Variants in TAFA2 observed in about 807,000 individuals in gnomAD.
TAFA2 encodes the protein TAFA chemokine like family member 2, also known as chemokine-like protein TAFA-2.
A neutral mutation model predicts 18.8 loss-of-function variants in TAFA2; 7 were observed. That is an observed-to-expected ratio of 0.37 (90% CI 0.21 to 0.70). TAFA2 has a LOEUF of 0.70. Among genes scored for constraint, TAFA2 ranks in the 30% least tolerant of loss-of-function variants. TAFA2 has a pLI of 0.53. For synonymous variants in TAFA2, 60 were observed against 54.2 expected, an observed-to-expected ratio of 1.11 and a Z score of -0.47; for missense variants, 122 against 158.1, an observed-to-expected ratio of 0.77 and a Z score of 1.23.
intron 1 of TAFA2, among the ~76,000 whole-genome samples, chr12:62,207,854 C>T (rs549983191): frequency 6.6e-6 from 1 of 152,170 alleles, no homozygotes; most frequent in Non-Finnish European, 1.5e-5. Context: ...ATGAAAGAGA[C>T]ACAGCATCAG....
intron 1 of TAFA2, among the ~76,000 whole-genome samples, chr12:61,941,244 G>T (rs1413777444): frequency 1.3e-5 from 2 of 151,874 alleles, no homozygotes; most frequent in African/African-American, 4.8e-5. Flanking sequence ...TAGACTACAT[G>T]GTAAAAAAGT....
At chr12:61,779,483 A>T (rs951721097) in intron 2 of TAFA2, among the ~76,000 whole-genome samples, 1 of 151,894 alleles carries the variant, frequency 6.6e-6, no homozygotes, top group African/African-American at 2.4e-5. Flanking sequence ...GAGCTGCCTT[A>T]GTGCAAATTG....
intron 1 of TAFA2, among the ~76,000 whole-genome samples, chr12:61,912,710 G>C (rs349877): frequency 0.8 from 121,719 of 152,172 alleles, 49,333 homozygotes; most frequent in African/African-American, 0.92. Context: ...ACACACTCCT[G>C]TTCACTTCCC....
chr12:61,833,799 C>T (rs1465628574), intron 2 of TAFA2, among the ~76,000 whole-genome samples: 1 of 151,930 alleles, frequency 6.6e-6, no homozygotes, highest in African/African-American at 2.4e-5. Flanking sequence ...TAAACATCCT[C>T]ATTCCCTTCA....
chr12:62,136,455 A>G (rs534140473), intron 1 of TAFA2, among the ~76,000 whole-genome samples: 1 of 152,282 alleles, frequency 6.6e-6, no homozygotes, highest in East Asian at 1.9e-4. Context: ...TCCAATATTC[A>G]AAAAATACAA....
intron 1 of TAFA2, among the ~76,000 whole-genome samples, chr12:62,249,475 C>T (rs541712612): frequency 6.6e-6 from 1 of 152,174 alleles, no homozygotes; most frequent in African/African-American, 2.4e-5. Context: ...GTTCCCATGA[C>T]AGTTGATTAT....
intron 1 of TAFA2, among the ~76,000 whole-genome samples, chr12:62,070,183 A>C (rs944210411): frequency 1.3e-5 from 2 of 152,200 alleles, no homozygotes; most frequent in Non-Finnish European, 2.9e-5. Flanking sequence ...ATGAGGTGCA[A>C]TAATAGCAAT....
intron 4 of TAFA2, among the ~76,000 whole-genome samples, chr12:61,749,998 C>A (rs1868935234): frequency 6.6e-6 from 1 of 151,720 alleles, no homozygotes; most frequent in Non-Finnish European, 1.5e-5. Flanking sequence ...ACACCCCACA[C>A]ACACACACAC....
intron 1 of TAFA2, among the ~76,000 whole-genome samples, chr12:61,960,897 C>A (rs1878862097): frequency 1.3e-5 from 2 of 151,706 alleles, no homozygotes; most frequent in Non-Finnish European, 2.9e-5. Flanking sequence ...CTTTTATTTT[C>A]TTGCTGTATT....
At chr12:61,849,362 T>G (rs575241829) in intron 2 of TAFA2, among the ~76,000 whole-genome samples, 11 of 152,336 alleles carry the variant, frequency 7.2e-5, no homozygotes, top group African/African-American at 2.4e-4. Context: ...ACAAATGTAG[T>G]CTTCTGTACT....
chr12:62,242,157 T>C (rs2136990173), intron 1 of TAFA2, among the ~76,000 whole-genome samples: 1 of 152,310 alleles, frequency 6.6e-6, no homozygotes, highest in Non-Finnish European at 1.5e-5. Context: ...GTGTCCAGTG[T>C]TGATGTTTCC....
intron 1 of TAFA2, among the ~76,000 whole-genome samples, chr12:61,953,899 C>A (rs574390371): frequency 9.2e-5 from 14 of 152,206 alleles, no homozygotes; most frequent in Admixed American, 8.5e-4. Flanking sequence ...TTTTGAAAAG[C>A]GTATTAAGAA....
intron 1 of TAFA2, among the ~76,000 whole-genome samples, chr12:62,093,666 A>G (rs189059940): frequency 6.6e-4 from 101 of 152,182 alleles, no homozygotes; most frequent in African/African-American, 2.3e-3. Context: ...TGTTGGTGTC[A>G]TATGCTCAGA....
intron 1 of TAFA2, among the ~76,000 whole-genome samples, chr12:61,920,129 C>G (rs1375484902): frequency 6.6e-6 from 1 of 152,100 alleles, no homozygotes; most frequent in Non-Finnish European, 1.5e-5. Flanking sequence ...AACAAATCAG[C>G]ACTAACTTAG....
chr12:62,105,856 CT>C (rs1869425074), intron 1 of TAFA2, among the ~76,000 whole-genome samples: 1 of 152,144 alleles, frequency 6.6e-6, no homozygotes, highest in African/African-American at 2.4e-5. Flanking sequence ...CTGATGAGAC[CT>C]TTCTTTAGAG....
chr12:61,818,992 C>T (rs1872208611), intron 2 of TAFA2, among the ~76,000 whole-genome samples: 1 of 152,116 alleles, frequency 6.6e-6, no homozygotes, highest in Non-Finnish European at 1.5e-5. Flanking sequence ...TGCACATTAC[C>T]TCTAGACCCG....
intron 1 of TAFA2, among the ~76,000 whole-genome samples, chr12:62,101,858 A>G (rs554579487): frequency 6.6e-6 from 1 of 152,344 alleles, no homozygotes; most frequent in African/African-American, 2.4e-5. Flanking sequence ...CTGTCCTCAA[A>G]GAACCCACAG....
chr12:62,180,890 G>A (rs1488068938), intron 1 of TAFA2, among the ~76,000 whole-genome samples: 1 of 152,160 alleles, frequency 6.6e-6, no homozygotes, highest in East Asian at 1.9e-4. Flanking sequence ...CCTAATGAAT[G>A]AGTCAAGTTA....
At chr12:62,063,997 T>G (rs1368521606) in intron 1 of TAFA2, among the ~76,000 whole-genome samples, 1 of 152,112 alleles carries the variant, frequency 6.6e-6, no homozygotes, top group Non-Finnish European at 1.5e-5. Flanking sequence ...CTTACATTGT[T>G]TCTTAGACAA....
Sources: allele counts gnomAD v4.1 joint callset (sites outside exome capture counted in the v4.1 genomes callset), GRCh38; gene constraint gnomAD v4.1.1; transcripts MANE v1.5; gene names NCBI Gene and HGNC (gene_info 2026-07-23, HGNC 2026-07-21).